Variants in SYCP2 observed in about 807,000 individuals in gnomAD.
The protein encoded by SYCP2 is synaptonemal complex protein 2, also known as synaptonemal complex lateral element protein.
In SYCP2, 55 loss-of-function variants were observed where a neutral mutation model predicts 211.3. The ratio of observed to expected loss-of-function variants is 0.26; its 90% confidence interval spans 0.21 to 0.33. The LOEUF (loss-of-function observed/expected upper bound fraction) is 0.33, where lower values mean the gene tolerates loss of function less well. Ranked by LOEUF, SYCP2 falls within the 10% of genes least tolerant of loss-of-function variation. The pLI, the probability that SYCP2 is intolerant of heterozygous loss-of-function variation, is 1.00. For synonymous variants in SYCP2, 570 were observed against 555.2 expected, an observed-to-expected ratio of 1.03 and a Z score of -0.37; for missense variants, 1,731 against 1,752.0, an observed-to-expected ratio of 0.99 and a Z score of 0.21.
At position 59,878,051 on chromosome 20, in the gene SYCP2, A is replaced by G; in HGVS notation, c.2942-6T>C. 3 of 1,595,680 alleles carry G rather than the reference A, an allele frequency of 1.9e-6. No homozygotes were observed. The highest frequency in any genetic ancestry group is 2.6e-6 in the Non-Finnish European group (3 of 1,168,406). On this transcript the variant is annotated splice_polypyrimidine_tract_variant and splice_region_variant and intron_variant, in intron 31 of 44. Coordinates refer to ENST00000357552, the MANE Select transcript of SYCP2 (RefSeq NM_014258.4). Reference sequence around the variant, plus strand: ...TCCCTTTTCCAAGGATGATCCTGTAATTCAGAAAAATAAGGTTAAATTTTC... The same window carrying G: ...TCCCTTTTCCAAGGATGATCCTGTAGTTCAGAAAAATAAGGTTAAATTTTC...
Position 59,865,576 on chromosome 20 carries a change from G to C in SYCP2, c.4455C>G (p.Ser1485=), listed in dbSNP as rs199996042. The C allele has an allele frequency of 1.3e-6, 2 of 1,598,240 alleles. No homozygotes were observed. The highest frequency in any genetic ancestry group is 2.3e-5 in the South Asian group (2 of 88,144). The part of the protein sequence containing the change: ...NTDSEETVFT[S]EMCLMKEDMK... ...ATAAAAAGCATAAAATTTATACCTC[G>C]GATGTAAAAACAGTTTCTTCACTAT... is the stretch of plus-strand genomic sequence containing the variant. The change falls in exon 43 of 45, where the codon TCC becomes TCG. Residue 1485 remains serine (S), a synonymous_variant. Coordinates refer to ENST00000357552, the MANE Select transcript of SYCP2 (RefSeq NM_014258.4).
intron 33 of SYCP2, among the ~76,000 whole-genome samples, 174 bp downstream of exon 33, chr20:59,877,211 C>G (rs1320497660): frequency 1.3e-5 from 2 of 152,164 alleles, no homozygotes; most frequent in Non-Finnish European, 2.9e-5. Context: ...CAACTTATTA[C>G]AAAATTTAGC....
At chr20:59,923,953 TGAA>T (rs1390352209) in intron 2 of SYCP2, among the ~76,000 whole-genome samples, 1 of 151,886 alleles carries the variant, frequency 6.6e-6, no homozygotes, top group Non-Finnish European at 1.5e-5. Flanking sequence ...TTAAATACTC[TGAA>T]GAAGTAAGAA....
intron 21 of SYCP2, 57 bp downstream of exon 21, chr20:59,893,467 G>A (rs2059948531): frequency 4.6e-6 from 5 of 1,095,446 alleles, no homozygotes; most frequent in East Asian, 5.0e-5. Context: ...GGTAATACAG[G>A]GAGAAGTATA....
intron 24 of SYCP2, 107 bp downstream of exon 24, chr20:59,891,883 T>G: frequency 1.0e-6 from 1 of 958,996 alleles, no homozygotes. Context: ...TTAAACAAGG[T>G]ATTACACATG....
chr20:59,898,700 TAAATA>T (rs1252840455), intron 18 of SYCP2, among the ~76,000 whole-genome samples: 1 of 152,056 alleles, frequency 6.6e-6, no homozygotes, highest in Non-Finnish European at 1.5e-5. Flanking sequence ...TCCCAGAACT[TAAATA>T]AAAGACTTCC....
chr20:59,925,429 ACAT>A (rs2060616759), intron 2 of SYCP2, among the ~76,000 whole-genome samples: 2 of 152,190 alleles, frequency 1.3e-5, no homozygotes, highest in South Asian at 4.1e-4. Context: ...CTGTTGGAAA[ACAT>A]CATTGAGAGA....
intron 41 of SYCP2, 124 bp from the exon 42 acceptor site, chr20:59,865,989 C>G (rs1600793435): frequency 2.2e-6 from 1 of 454,852 alleles, no homozygotes; most frequent in East Asian, 3.5e-5. Flanking sequence ...TCTATTATTA[C>G]AAATTTAAAT....
Position 59,905,139 on chromosome 20 carries a change from G to C in SYCP2, c.1033+2225C>G, listed in dbSNP as rs1003301300. Among the ~76,000 whole-genome samples, 7 of 152,258 alleles carry C rather than the reference G, an allele frequency of 4.6e-5. No homozygotes were observed. The East Asian group carries it at 1.4e-3, about 29-fold the overall frequency. On this transcript the variant is annotated intron_variant, in intron 15 of 44. Coordinates refer to ENST00000357552, the MANE Select transcript of SYCP2 (RefSeq NM_014258.4). Reference sequence around the variant, plus strand: ...TGTTAGAAAGGATGTAGAACAAATGGAAGTCTTATAAACTGATAGTGAAAA... The same window carrying C: ...TGTTAGAAAGGATGTAGAACAAATGCAAGTCTTATAAACTGATAGTGAAAA...
At chr20:59,876,496 TG>T (rs1439141386) in intron 33 of SYCP2, among the ~76,000 whole-genome samples, 1 of 146,100 alleles carries the variant, frequency 6.8e-6, no homozygotes, top group Non-Finnish European at 1.5e-5. Flanking sequence ...CAAGAAGAGA[TG>T]GAAGTTTATG....
In SYCP2 at chr20:59,864,399, GAA is replaced by G; in HGVS notation, c.4516-13_4516-12del. 2.1e-6 allele frequency: 3 copies of G among 1,402,014 alleles called. No individual in the cohort carries two copies. Among genetic ancestry groups the G allele is most frequent in the Admixed American group, 2.4e-5 (1 of 42,362 alleles). 86.8% of individuals were successfully genotyped at this position (1,402,014 alleles called of 1,614,324 possible). A position where few individuals can be genotyped will look rare whatever the true frequency, so the allele number is the denominator to read the frequency against. ...AAGCTCCTCTTCTAGCTATAGCCAA[GAA>G]AAAAAAAATCACACTTAGATTTCAC... On this transcript the variant is annotated splice_polypyrimidine_tract_variant and intron_variant, in intron 44 of 44. Coordinates refer to ENST00000357552, the MANE Select transcript of SYCP2 (RefSeq NM_014258.4).
intron 15 of SYCP2, among the ~76,000 whole-genome samples, chr20:59,902,201 T>C (rs1264848856): frequency 6.6e-6 from 1 of 152,116 alleles, no homozygotes; most frequent in Non-Finnish European, 1.5e-5. Context: ...GACATACACA[T>C]ATAAACATTT....
chr20:59,925,866 T>C (rs1388763184), intron 2 of SYCP2, among the ~76,000 whole-genome samples: 1 of 152,044 alleles, frequency 6.6e-6, no homozygotes, highest in Admixed American at 6.6e-5. Context: ...TGAGTGTTCA[T>C]TTAGATGAAG....
intron 2 of SYCP2, among the ~76,000 whole-genome samples, chr20:59,924,023 C>T (rs138643750): frequency 5.4e-4 from 82 of 151,976 alleles, no homozygotes; most frequent in African/African-American, 1.9e-3. Flanking sequence ...TAAAGGCACT[C>T]AACAAAAAAC....
chr20:59,864,325 T>C lies in SYCP2; in HGVS notation c.4579A>G (p.Asn1527Asp). Reference sequence around the variant, plus strand: ...AAAACTAGATTTCACACATTAGCATTTCTTTCATGAGACATGAATACTGAC... The same window carrying C: ...AAAACTAGATTTCACACATTAGCATCTCTTTCATGAGACATGAATACTGAC... ...LMSVFMSHER[N>D]ANV The change falls in exon 45 of 45, where the codon AAT becomes GAT. Residue 1527 changes from asparagine to aspartate, a missense_variant. Physicochemically the swap from Asn to Asp is conservative, Grantham distance 23. Transcript: ENST00000357552. The C allele has an allele frequency of 6.2e-7, 1 of 1,603,530 alleles. No homozygotes were observed. Among genetic ancestry groups the C allele is most frequent in the South Asian group, 1.1e-5 (1 of 89,900 alleles).
At position 59,863,763 on chromosome 20, in the gene SYCP2, T is replaced by A. The variant is rs1386250797; in HGVS notation, c.*548A>T. The A allele has an allele frequency of 2.0e-5, 3 of 151,962 alleles. No homozygotes were observed. The highest frequency in any genetic ancestry group is 4.4e-5 in the Non-Finnish European group (3 of 67,878). The allele number at this position is 151,962 out of a possible 1,614,324, so 9.4% of individuals were successfully genotyped here. A position where few individuals can be genotyped will look rare whatever the true frequency, so the allele number is the denominator to read the frequency against. On this transcript the variant is annotated 3_prime_UTR_variant, in exon 45 of 45. Transcript: ENST00000357552. Reference sequence around the variant, plus strand: ...CATATTTAGGCAATGTAGTAGCTTTTTTAGGCCATTTAGTGCTTCCTAATA... The same window carrying A: ...CATATTTAGGCAATGTAGTAGCTTTATTAGGCCATTTAGTGCTTCCTAATA...
intron 34 of SYCP2, among the ~76,000 whole-genome samples, chr20:59,874,376 T>C (rs895538109): frequency 2.0e-5 from 3 of 152,122 alleles, no homozygotes; most frequent in African/African-American, 4.8e-5. Flanking sequence ...TCTGACATCA[T>C]AGCTGATTGT....
At position 59,881,509 on chromosome 20, in the gene SYCP2, C is replaced by T; in HGVS notation, c.2659-17G>A. The stretch of plus-strand genomic sequence containing the variant: ...CTCTTGGATCTATATTGTAAATAAA[C>T]AAAAAAAAAGAGGTGTCAGTGTCAA... On this transcript the variant is annotated splice_polypyrimidine_tract_variant and intron_variant, in intron 28 of 44. Transcript: ENST00000357552. 7.6e-7 allele frequency: 1 copy of T among 1,313,058 alleles called. No individual in the cohort carries two copies. Among genetic ancestry groups the T allele is most frequent in the Non-Finnish European group, 1.0e-6 (1 of 985,466 alleles). 81.3% of individuals were successfully genotyped at this position (1,313,058 alleles called of 1,614,324 possible).
In SYCP2 at chr20:59,907,521, T is replaced by C. The variant is rs1483106390; in HGVS notation, c.973-97A>G. On this transcript the variant is annotated intron_variant, in intron 14 of 44. Coordinates refer to ENST00000357552, the MANE Select transcript of SYCP2 (RefSeq NM_014258.4). The stretch of plus-strand genomic sequence containing the variant: ...TCAAGTTACAGGAACTATGAATTCT[T>C]TTTGCTAGTCACTAAGTAACTAGTT... 3.1e-6 allele frequency: 3 copies of C among 969,940 alleles called. No individual in the cohort carries two copies. The East Asian group carries it at 7.7e-5, about 25-fold the overall frequency. 60.1% of individuals were successfully genotyped at this position (969,940 alleles called of 1,614,324 possible). A position where few individuals can be genotyped will look rare whatever the true frequency, so the allele number is the denominator to read the frequency against.
Sources: allele counts gnomAD v4.1 joint callset (sites outside exome capture counted in the v4.1 genomes callset), GRCh38; gene constraint gnomAD v4.1.1; transcripts MANE v1.5; gene names NCBI Gene and HGNC (gene_info 2026-07-23, HGNC 2026-07-21).